Variants in MINDY3 observed in about 807,000 individuals in gnomAD.
MINDY3 encodes the protein MINDY lysine 48 deubiquitinase 3, also known as ubiquitin carboxyl-terminal hydrolase MINDY-3.
A neutral mutation model predicts 69.2 loss-of-function variants in MINDY3; 38 were observed. The observed-to-expected ratio is 0.55, with a 90% confidence interval of 0.42 to 0.72. The LOEUF is 0.72. MINDY3 is among the 30% of genes least tolerant of loss of function. MINDY3 has a pLI of 0.00. For missense variants in MINDY3, 522 were observed against 519.0 expected, an observed-to-expected ratio of 1.01 and a Z score of -0.06; for synonymous variants, 192 against 180.1, an observed-to-expected ratio of 1.07 and a Z score of -0.53.
At chr10:15,844,132 C>A (rs894233984) in intron 2 of MINDY3, among the ~76,000 whole-genome samples, 1 of 152,088 alleles carries the variant, frequency 6.6e-6, no homozygotes, top group Non-Finnish European at 1.5e-5. Context: ...AAGTTTGCAG[C>A]GAAGATTATA....
At chr10:15,801,061 G>A (rs1838223043) in intron 10 of MINDY3, among the ~76,000 whole-genome samples, 1 of 152,182 alleles carries the variant, frequency 6.6e-6, no homozygotes, top group Non-Finnish European at 1.5e-5. Context: ...AGGAGAAGCA[G>A]CTTCTGCTAA....
At chr10:15,858,281 T>G (rs145855276) in intron 1 of MINDY3, among the ~76,000 whole-genome samples, 263 of 152,270 alleles carry the variant, frequency 1.7e-3, no homozygotes, top group African/African-American at 6.0e-3. Context: ...TATTTTGAAA[T>G]GGTACTGATG....
At chr10:15,843,380 T>C in intron 2 of MINDY3, 108 bp from the exon 3 acceptor site, 1 of 893,156 alleles carries the variant, frequency 1.1e-6, no homozygotes. Context: ...TTCTAATCTT[T>C]TGACTAGTTC....
Position 15,836,100 on chromosome 10 carries a change from C to G in MINDY3, c.576+1104G>C, listed in dbSNP as rs565895127. ...TCTTCATATTCTAAGTCTTTTCTTA[C>G]ATATGTGCCCAGTCTCATCTTCCAC... On this transcript the variant is annotated intron_variant, in intron 6 of 14. Transcript: ENST00000277632. 4.0e-3 allele frequency among the ~76,000 whole-genome samples: 605 copies of G among 152,160 alleles called. 1 individual carries two copies. Among genetic ancestry groups the G allele is most frequent in the South Asian group, 0.022 (107 of 4,826 alleles).
chr10:15,823,445 G>A (rs571215329), intron 8 of MINDY3, among the ~76,000 whole-genome samples: 8 of 152,096 alleles, frequency 5.3e-5, no homozygotes, highest in Non-Finnish European at 7.4e-5. Flanking sequence ...ATGAAGATCC[G>A]GCTGTCTACT....
chr10:15,824,782 T>C lies in MINDY3; in HGVS notation c.731-3056A>G, dbSNP rs116802996. ...TTTAAACAAATGTCTAATAATAATA[T>C]CATGTTACTAAATACAGCAAACTAG... On this transcript the variant is annotated intron_variant, in intron 8 of 14. Transcript: ENST00000277632. Among the ~76,000 whole-genome samples the C allele has an allele frequency of 2.6e-3, 392 of 152,294 alleles. 3 individuals carry two copies. The highest frequency in any genetic ancestry group is 8.1e-3 in the African/African-American group (336 of 41,562).
At chr10:15,845,847 G>T in intron 2 of MINDY3, among the ~76,000 whole-genome samples, 1 of 94,348 alleles carries the variant, frequency 1.1e-5, no homozygotes, top group Non-Finnish European at 2.0e-5. Context: ...TTTTGAGACA[G>T]AGTTTCACTC....
chr10:15,818,591 A>C (rs1264810977), intron 9 of MINDY3, among the ~76,000 whole-genome samples: 2 of 152,232 alleles, frequency 1.3e-5, no homozygotes, highest in Admixed American at 6.5e-5. Flanking sequence ...GCTAAAGTAG[A>C]AACAACCCAA....
At chr10:15,802,053 A>G (rs1838300165) in intron 10 of MINDY3, among the ~76,000 whole-genome samples, 1 of 151,434 alleles carries the variant, frequency 6.6e-6, no homozygotes, top group South Asian at 2.1e-4. Flanking sequence ...ACGAGATTAC[A>G]GTATATAATA....
At chr10:15,847,162 T>C (rs1187732749) in intron 2 of MINDY3, among the ~76,000 whole-genome samples, 1 of 152,224 alleles carries the variant, frequency 6.6e-6, no homozygotes, top group East Asian at 1.9e-4. Context: ...AAAGTAACAC[T>C]GTCATTCACA....
intron 1 of MINDY3, among the ~76,000 whole-genome samples, chr10:15,852,962 G>A (rs1307382576): frequency 1.3e-5 from 2 of 152,144 alleles, no homozygotes; most frequent in Non-Finnish European, 2.9e-5. Context: ...ATTAGGTATT[G>A]TAAGTAATCT....
intron 10 of MINDY3, among the ~76,000 whole-genome samples, chr10:15,811,740 A>G (rs1319083324): frequency 6.6e-6 from 1 of 152,132 alleles, no homozygotes; most frequent in Non-Finnish European, 1.5e-5. Flanking sequence ...AAAAAATAAC[A>G]TATGTGCACT....
chr10:15,842,972 C>T (rs1450237236), intron 3 of MINDY3, among the ~76,000 whole-genome samples: 2 of 150,770 alleles, frequency 1.3e-5, no homozygotes, highest in African/African-American at 4.9e-5. Context: ...AGGAAATGCA[C>T]CGTGTTTTAC....
Position 15,859,472 on chromosome 10 carries a change from C to T in MINDY3, c.94+734G>A, listed in dbSNP as rs150833228. Reference sequence around the variant, plus strand: ...ATTAGGGATAGTTACTAGTATAAAGCGCCCAGCCTGTTACAGTGCAAGAAT... The same window carrying T: ...ATTAGGGATAGTTACTAGTATAAAGTGCCCAGCCTGTTACAGTGCAAGAAT... On this transcript the variant is annotated intron_variant, in intron 1 of 14. Coordinates refer to ENST00000277632, the MANE Select transcript of MINDY3 (RefSeq NM_024948.4). 4.6e-3 allele frequency among the ~76,000 whole-genome samples: 702 copies of T among 152,226 alleles called. 1 individual carries two copies. Among genetic ancestry groups the T allele is most frequent in the Non-Finnish European group, 8.2e-3 (560 of 68,004 alleles).
chr10:15,781,401 T>A (rs987708386), intron 14 of MINDY3, among the ~76,000 whole-genome samples: 6 of 145,762 alleles, frequency 4.1e-5, no homozygotes, highest in Admixed American at 2.1e-4. Context: ...TACATATATA[T>A]TATATATATA....
At chr10:15,849,317 G>A (rs771529605) in intron 1 of MINDY3, among the ~76,000 whole-genome samples, 19 of 152,220 alleles carry the variant, frequency 1.2e-4, no homozygotes, top group African/African-American at 3.4e-4. Context: ...AGGGTAGTAC[G>A]GGGGTAGGAT....
chr10:15,779,147 GAAC>G lies in MINDY3; in HGVS notation c.1189-9_1189-7del. The G allele has an allele frequency of 6.2e-7, 1 of 1,609,934 alleles. No homozygotes were observed. Among genetic ancestry groups the G allele is most frequent in the Non-Finnish European group, 8.5e-7 (1 of 1,177,974 alleles). On this transcript the variant is annotated splice_region_variant and splice_polypyrimidine_tract_variant and intron_variant, in intron 14 of 14. Coordinates refer to ENST00000277632, the MANE Select transcript of MINDY3 (RefSeq NM_024948.4). ...GTCCCTTCTACGTACATGACCTGTTGAACAAAATAAAGCCACCAAGGTCAAGCA... is the reference window on the plus strand; with the variant it reads ...GTCCCTTCTACGTACATGACCTGTTGAAAATAAAGCCACCAAGGTCAAGCA...
intron 14 of MINDY3, 36 bp downstream of exon 14, chr10:15,782,119 C>T (rs754604264): frequency 3.1e-5 from 45 of 1,438,684 alleles, no homozygotes; most frequent in Non-Finnish European, 4.2e-5. Context: ...TTTCATCAAC[C>T]CAGTTGAACA....
intron 10 of MINDY3, among the ~76,000 whole-genome samples, chr10:15,804,891 T>C (rs1838523937): frequency 6.6e-6 from 1 of 152,104 alleles, no homozygotes; most frequent in Non-Finnish European, 1.5e-5. Flanking sequence ...ATTTTCCAAA[T>C]AACGTGTAAA....
Sources: allele counts gnomAD v4.1 joint callset (sites outside exome capture counted in the v4.1 genomes callset), GRCh38; gene constraint gnomAD v4.1.1; transcripts MANE v1.5; gene names NCBI Gene and HGNC (gene_info 2026-07-23, HGNC 2026-07-21).